The following HEMK2 variants were observed in gnomAD, a reference collection of about 807,000 sequenced individuals.
HEMK2 encodes HemK methyltransferase 2, ETF1 glutamine and histone H4 lysine.
chr21:28,781,831 A>G, the HEMK2 span, among the ~76,000 whole-genome samples: 1 of 152,188 alleles, frequency 6.6e-6, no homozygotes, highest in Non-Finnish European at 1.5e-5. Flanking sequence ...GTCTGGCCCA[A>G]TGTCAGACAT....
chr21:28,810,916 A>G, the HEMK2 span, among the ~76,000 whole-genome samples: 1 of 152,180 alleles, frequency 6.6e-6, no homozygotes. Flanking sequence ...CAGAGTTTGA[A>G]TAACAAGTGT....
the HEMK2 span, among the ~76,000 whole-genome samples, chr21:28,717,829 T>G: frequency 1.3e-5 from 2 of 152,132 alleles, no homozygotes; most frequent in African/African-American, 4.8e-5. Flanking sequence ...CTTTTTTCTT[T>G]GTTAGTCTAG....
At chr21:28,791,692 T>C in the HEMK2 span, among the ~76,000 whole-genome samples, 1 of 152,182 alleles carries the variant, frequency 6.6e-6, no homozygotes, top group Non-Finnish European at 1.5e-5. Flanking sequence ...GATTTATTTG[T>C]GCCTGGGTTG....
chr21:28,719,307 T>C, the HEMK2 span, among the ~76,000 whole-genome samples: 1 of 152,102 alleles, frequency 6.6e-6, no homozygotes, highest in Admixed American at 6.5e-5. Context: ...TCACCTTGAA[T>C]TGCAATAATC....
chr21:28,749,696 G>C, the HEMK2 span, among the ~76,000 whole-genome samples: 1 of 152,210 alleles, frequency 6.6e-6, no homozygotes, highest in Admixed American at 6.5e-5. Flanking sequence ...TCACAGCACA[G>C]GAGGATAGCA....
the HEMK2 span, among the ~76,000 whole-genome samples, chr21:28,835,868 G>A: frequency 1.3e-5 from 2 of 151,996 alleles, no homozygotes; most frequent in South Asian, 4.2e-4. Flanking sequence ...CAATAGAATT[G>A]AACAAGTAGA....
the HEMK2 span, among the ~76,000 whole-genome samples, chr21:28,819,544 CTTTT>C: frequency 8.9e-6 from 1 of 111,904 alleles, no homozygotes; most frequent in African/African-American, 3.4e-5. Context: ...TTTTCTTTTC[CTTTT>C]TTTTTTTTTT....
the HEMK2 span, among the ~76,000 whole-genome samples, chr21:28,643,204 ATGTT>A: frequency 7.2e-5 from 11 of 152,282 alleles, no homozygotes; most frequent in African/African-American, 2.6e-4. Context: ...TATGGTCTGA[ATGTT>A]TGCGTACCTT....
At chr21:28,779,720 T>C in the HEMK2 span, among the ~76,000 whole-genome samples, 1 of 152,176 alleles carries the variant, frequency 6.6e-6, no homozygotes, top group South Asian at 2.1e-4. Flanking sequence ...CTATCATCTC[T>C]CTTCTTCCAG....
chr21:28,839,384 G>A, the HEMK2 span, among the ~76,000 whole-genome samples: 1 of 152,026 alleles, frequency 6.6e-6, no homozygotes, highest in Non-Finnish European at 1.5e-5. Context: ...CATCAGACAA[G>A]AGAAAGAAAT....
chr21:28,877,606 AG>A, the HEMK2 span, among the ~76,000 whole-genome samples: 46 of 150,690 alleles, frequency 3.1e-4, no homozygotes, highest in East Asian at 1.2e-3. Flanking sequence ...GAGAGAAGGA[AG>A]GAAAAAAAGA....
At chr21:28,597,443 G>A in the HEMK2 span, among the ~76,000 whole-genome samples, 1 of 152,184 alleles carries the variant, frequency 6.6e-6, no homozygotes, top group Non-Finnish European at 1.5e-5. Flanking sequence ...AGTAGACAAG[G>A]AGTAATTAAT....
chr21:28,764,032 G>T, the HEMK2 span, among the ~76,000 whole-genome samples: 909 of 152,186 alleles, frequency 6.0e-3, 9 homozygotes, highest in African/African-American at 0.021. Context: ...AACCTCAGCT[G>T]TACACAGCAG....
At chr21:28,603,245 A>T in the HEMK2 span, among the ~76,000 whole-genome samples, 2 of 152,118 alleles carry the variant, frequency 1.3e-5, no homozygotes, top group African/African-American at 4.8e-5. Flanking sequence ...CTAATAAATC[A>T]TTTGCCACTA....
the HEMK2 span, among the ~76,000 whole-genome samples, chr21:28,581,372 C>T: frequency 6.6e-6 from 1 of 152,284 alleles, no homozygotes; most frequent in Non-Finnish European, 1.5e-5. Context: ...CTGAGGTACC[C>T]AGGGCAGAAG....
At chr21:28,651,095 A>G in the HEMK2 span, among the ~76,000 whole-genome samples, 8 of 152,192 alleles carry the variant, frequency 5.3e-5, no homozygotes, top group Admixed American at 1.3e-4. Context: ...ATTCAGGAAG[A>G]TAGTTAGAGC....
the HEMK2 span, among the ~76,000 whole-genome samples, chr21:28,837,275 A>G: frequency 6.6e-6 from 1 of 152,248 alleles, no homozygotes; most frequent in Non-Finnish European, 1.5e-5. Context: ...ACTTTCTCCA[A>G]GACAGACCAT....
At chr21:28,608,071 G>A in the HEMK2 span, among the ~76,000 whole-genome samples, 1 of 152,162 alleles carries the variant, frequency 6.6e-6, no homozygotes, top group Non-Finnish European at 1.5e-5. Flanking sequence ...GGACCATTTG[G>A]AGGGATATGT....
chr21:28,592,475 T>A, the HEMK2 span, among the ~76,000 whole-genome samples: 1 of 152,192 alleles, frequency 6.6e-6, no homozygotes, highest in African/African-American at 2.4e-5. Flanking sequence ...GTGATGGGCT[T>A]ATTGAAGGAC....
Sources: allele counts gnomAD v4.1 joint callset (sites outside exome capture counted in the v4.1 genomes callset), GRCh38; gene constraint gnomAD v4.1.1; transcripts MANE v1.5; gene names NCBI Gene and HGNC (gene_info 2026-07-23, HGNC 2026-07-21).